Variants in DNAH5 observed in about 807,000 individuals in gnomAD.
DNAH5 encodes axonemal beta dynein heavy chain 5.
A neutral mutation model predicts 518.2 loss-of-function variants in DNAH5; 372 were observed. The observed-to-expected ratio is 0.72, with a 90% CI of 0.66 to 0.78. The LOEUF (loss-of-function observed/expected upper bound fraction) is 0.78, where lower values mean the gene tolerates loss of function less well. Ranked by LOEUF, DNAH5 falls within the 30% of genes least tolerant of loss-of-function variation. The probability of loss-of-function intolerance (pLI) is 0.00; values close to 1 mark genes in which losing one functional copy is unlikely to be tolerated. For missense variants in DNAH5, 5,523 were observed against 5,687.0 expected (o/e 0.97, Z 0.93); for synonymous variants, 2,039 against 2,025.9 (o/e 1.01, Z -0.17).
chr5:13,735,050 C>G, intron 68 of DNAH5, 81 bp downstream of exon 68: 1 of 1,358,154 alleles, frequency 7.4e-7, no homozygotes, highest in Non-Finnish European at 1.0e-6. Context: ...ATTGTTATAA[C>G]CAAAAAATGT....
At chr5:13,945,947 G>A (rs946869484), upstream of DNAH5, among the ~76,000 whole-genome samples, 1 of 152,064 alleles carries the variant, frequency 6.6e-6, no homozygotes, top group African/African-American at 2.4e-5. Context: ...GTTGGTAAGC[G>A]GCTGTTGTCC....
chr5:13,818,962 A>T (rs563546719), intron 41 of DNAH5, among the ~76,000 whole-genome samples: 1 of 152,350 alleles, frequency 6.6e-6, no homozygotes, highest in East Asian at 1.9e-4. Context: ...CCAAGTTCAT[A>T]AACAGCAAAT....
rs766159440 is a variant in DNAH5 at position 13,870,772 on chromosome 5, T to A, written c.3829A>T (p.Ile1277Phe). ...AACAAATGATCATTAGTTACCTCAA[T>A]AGGTCCTACTTGAAAGTCAATGGAG... ...QISIDFQVGP[I>F]EESYALLNRY... The change falls in exon 24 of 79, where the codon ATT becomes TTT. Residue 1277 changes from isoleucine (I) to phenylalanine (F), a missense_variant. Transcript: ENST00000265104. The A allele has an allele frequency of 6.2e-7, 1 of 1,611,866 alleles. No homozygotes were observed. The highest frequency in any genetic ancestry group is 2.2e-5 in the East Asian group (1 of 44,852).
intron 17 of DNAH5, among the ~76,000 whole-genome samples, chr5:13,886,862 G>A (rs1047393898): frequency 6.6e-6 from 1 of 152,096 alleles, no homozygotes. Flanking sequence ...TGGTGATATA[G>A]TAGAACTCAC....
rs150046963 is a variant in DNAH5, at chr5:13,708,239, G to C, written c.13222C>G (p.Arg4408Gly). Residue 4408 changes from arginine (R) to glycine (G), a missense_variant, in exon 76 of 79, where the codon CGC becomes GGC. Coordinates refer to ENST00000265104, the MANE Select transcript of DNAH5 (RefSeq NM_001369.3). ...AGTTTCAGCTCAGTGAGGGTGCTGCGGACAAGGCTGAGTACCCTTTGCATT... is the reference window on the plus strand; with the variant it reads ...AGTTTCAGCTCAGTGAGGGTGCTGCCGACAAGGCTGAGTACCCTTTGCATT... ...DRMQRVLSLV[R>G]STLTELKLAI... 8.1e-6 allele frequency: 13 copies of C among 1,613,992 alleles called. No homozygotes were observed. The African/African-American group carries it at 1.6e-4, about 20-fold the overall frequency.
chr5:13,798,077 A>G (rs1435250988), intron 47 of DNAH5, among the ~76,000 whole-genome samples: 1 of 152,028 alleles, frequency 6.6e-6, no homozygotes, highest in Non-Finnish European at 1.5e-5. Flanking sequence ...TGGGGGAGGG[A>G]TAGCATTAGG....
At chr5:13,727,442 TAA>T in intron 70 of DNAH5, 63 bp downstream of exon 70, 1 of 1,438,164 alleles carries the variant, frequency 7.0e-7, no homozygotes. Flanking sequence ...ATATTTTTTT[TAA>T]TTTAAAAGAA....
At chr5:13,844,217 A>C (rs1273440812) in intron 32 of DNAH5, among the ~76,000 whole-genome samples, 2 of 152,222 alleles carry the variant, frequency 1.3e-5, no homozygotes, top group Admixed American at 6.5e-5. Flanking sequence ...ACCACATGCT[A>C]GGATGAAGAA....
intron 1 of DNAH5, among the ~76,000 whole-genome samples, chr5:13,979,065 G>A (rs966905356): frequency 6.6e-6 from 1 of 152,132 alleles, no homozygotes; most frequent in South Asian, 2.1e-4. Flanking sequence ...AGACACCCTA[G>A]TTCCTTCCCC....
chr5:14,011,340 A>G (rs1030911815), intron 1 of DNAH5, among the ~76,000 whole-genome samples: 1 of 152,224 alleles, frequency 6.6e-6, no homozygotes, highest in African/African-American at 2.4e-5. Context: ...TTCAGCAGCA[A>G]GAGGAAGAGG....
At chr5:13,802,469 C>G (rs2126966107) in intron 47 of DNAH5, among the ~76,000 whole-genome samples, 1 of 152,308 alleles carries the variant, frequency 6.6e-6, no homozygotes, top group Middle Eastern at 3.4e-3. Context: ...GAATGATCAA[C>G]TCTTTCATTA....
chr5:13,940,986 G>A (rs1367831105), intron 1 of DNAH5, among the ~76,000 whole-genome samples: 1 of 152,192 alleles, frequency 6.6e-6, no homozygotes, highest in Non-Finnish European at 1.5e-5. Context: ...TTCCCCCAGG[G>A]TCTAGCTATG....
chr5:13,866,430 T>C, intron 25 of DNAH5, 148 bp from the exon 26 acceptor site: 2 of 705,462 alleles, frequency 2.8e-6, no homozygotes, highest in South Asian at 4.0e-5. Flanking sequence ...CCTCACAAAG[T>C]GATTCATTTA....
chr5:13,835,384 A>C (rs1397700883), intron 35 of DNAH5, among the ~76,000 whole-genome samples: 1 of 152,142 alleles, frequency 6.6e-6, no homozygotes, highest in African/African-American at 2.4e-5. Flanking sequence ...GTAGCTCCCG[A>C]AACATTTCTT....
Position 13,766,145 on chromosome 5 carries a change from G to C in DNAH5, c.9932C>G (p.Thr3311Arg), listed in dbSNP as rs1411648234. 3 of 1,614,188 alleles carry C rather than the reference G, an allele frequency of 1.9e-6. No individual in the cohort carries two copies. Among genetic ancestry groups the C allele is most frequent in the Non-Finnish European group, 2.5e-6 (3 of 1,180,014 alleles). The change falls in exon 59 of 79, where the codon ACG becomes AGG. Residue 3311 changes from threonine to arginine, a missense_variant. Around this residue, in one of 3 missense-constraint regions of DNAH5, gnomAD observed 5,121 missense variants for 5,223.3 expected, o/e 0.98. Coordinates refer to ENST00000265104, the MANE Select transcript of DNAH5 (RefSeq NM_001369.3). ...GATGAGGTGAGGGGGGCGGCCCAAC[G>C]TGCGAACAGTGGCGATGTCCGAAGG... ...IRPSDIATVR[T>R]LGRPPHLIMR... is the part of the protein sequence containing the mutation.
chr5:13,873,607 C>A (rs1480316498), intron 22 of DNAH5, among the ~76,000 whole-genome samples: 1 of 151,976 alleles, frequency 6.6e-6, no homozygotes, highest in East Asian at 1.9e-4. Context: ...ACTTGGCAGA[C>A]AATTGTATCA....
In DNAH5 at chr5:13,859,339, T is replaced by C. The variant is rs28546609; in HGVS notation, c.4950+113A>G. On this transcript the variant is annotated intron_variant, in intron 30 of 78. Coordinates refer to ENST00000265104, the MANE Select transcript of DNAH5 (RefSeq NM_001369.3). Reference sequence around the variant, plus strand: ...AGCATTAACAGTGACAACAAAAAGATTGAAGGAAGGGGGTTCAATAGAAGT... The same window carrying C: ...AGCATTAACAGTGACAACAAAAAGACTGAAGGAAGGGGGTTCAATAGAAGT... 3.6e-3 allele frequency: 4,194 copies of C among 1,158,010 alleles called. 122 individuals are homozygous for C. In the African/African-American group the frequency reaches 0.057, roughly 16 times the overall value. The allele number at this position is 1,158,010 out of a possible 1,614,324, so 71.7% of individuals were successfully genotyped here.
chr5:13,793,766 T>G, intron 48 of DNAH5, 38 bp from the exon 49 acceptor site: 1 of 1,601,744 alleles, frequency 6.2e-7, no homozygotes. Flanking sequence ...GCATCATTCC[T>G]TTCTATCCCC....
intron 49 of DNAH5, among the ~76,000 whole-genome samples, chr5:13,792,710 T>C (rs976384226): frequency 3.9e-5 from 6 of 152,188 alleles, no homozygotes; most frequent in African/African-American, 1.4e-4. Flanking sequence ...CTTAGATAAT[T>C]CCAATGTCTG....
Sources: allele counts gnomAD v4.1 joint callset (sites outside exome capture counted in the v4.1 genomes callset), GRCh38; gene constraint gnomAD v4.1.1; regional missense constraint gnomAD v4.1.1; transcripts MANE v1.5; gene names NCBI Gene and HGNC (gene_info 2026-07-23, HGNC 2026-07-21).